Variants in THADA observed in about 807,000 individuals in gnomAD.
The protein encoded by THADA is THADA armadillo repeat containing, also known as tRNA (32-2'-O)-methyltransferase regulator THADA.
A neutral mutation model predicts 219.8 loss-of-function variants in THADA; 213 were observed. The observed-to-expected ratio is 0.97, with a 90% CI of 0.87 to 1.09. The LOEUF is 1.09. THADA is among the 50% of genes least tolerant of loss of function. The pLI is 0.00. For missense variants in THADA, 2,956 were observed against 2,311.3 expected, an observed-to-expected ratio of 1.28 and a Z score of -5.72; for synonymous variants, 1,018 against 828.9, an observed-to-expected ratio of 1.23 and a Z score of -3.92.
chr2:43,265,221 G>C (rs1053938568), intron 36 of THADA, among the ~76,000 whole-genome samples: 3 of 152,218 alleles, frequency 2.0e-5, no homozygotes, highest in African/African-American at 7.2e-5. Flanking sequence ...CTGAAAGGCT[G>C]CTGGGAGCAG....
intron 31 of THADA, among the ~76,000 whole-genome samples, chr2:43,304,237 G>C (rs1471820372): frequency 6.6e-6 from 1 of 152,122 alleles, no homozygotes; most frequent in Non-Finnish European, 1.5e-5. Flanking sequence ...GCAAGGCCCA[G>C]AGTGACAACA....
intron 36 of THADA, among the ~76,000 whole-genome samples, chr2:43,264,954 T>C (rs1279210890): frequency 6.6e-6 from 1 of 152,242 alleles, no homozygotes; most frequent in Non-Finnish European, 1.5e-5. Flanking sequence ...ACTTTCAGCA[T>C]GGATGGAAGG....
At chr2:43,431,910 G>A (rs1353690671) in intron 26 of THADA, among the ~76,000 whole-genome samples, 1 of 90,566 alleles carries the variant, frequency 1.1e-5, no homozygotes, top group African/African-American at 6.1e-5. Flanking sequence ...AGGCTGGAAT[G>A]CAGTGGCGGG....
intron 25 of THADA, among the ~76,000 whole-genome samples, chr2:43,486,270 A>G (rs1219288437): frequency 2.0e-5 from 3 of 152,220 alleles, no homozygotes; most frequent in Non-Finnish European, 4.4e-5. Context: ...ATTACCATGA[A>G]TAAACACAAA....
chr2:43,313,920 T>C (rs1033853062), intron 31 of THADA, among the ~76,000 whole-genome samples: 1 of 152,228 alleles, frequency 6.6e-6, no homozygotes, highest in African/African-American at 2.4e-5. Context: ...ACATGGGATG[T>C]TAGGCACTTC....
At chr2:43,504,532 T>G (rs1471519987) in intron 24 of THADA, among the ~76,000 whole-genome samples, 6 of 152,222 alleles carry the variant, frequency 3.9e-5, no homozygotes, top group Non-Finnish European at 1.5e-5. Context: ...ATTGTAAACT[T>G]CAGCTCTCAA....
At chr2:43,427,337 A>T (rs1573589152) in intron 28 of THADA, among the ~76,000 whole-genome samples, 1 of 152,148 alleles carries the variant, frequency 6.6e-6, no homozygotes, top group Non-Finnish European at 1.5e-5. Flanking sequence ...AGTATCTCCT[A>T]TCAACACCAT....
In THADA at chr2:43,571,505, G is replaced by A. The variant is rs141152202; in HGVS notation, c.2064+202C>T. Among the ~76,000 whole-genome samples the A allele has an allele frequency of 7.2e-5, 11 of 152,164 alleles. No homozygotes were observed. The East Asian group carries it at 1.2e-3, about 16-fold the overall frequency. On this transcript the variant is annotated intron_variant, in intron 13 of 37. Transcript: ENST00000405975. Reference sequence around the variant, plus strand: ...GAAAAAAAATGGTGGGGGGAGGGGTGCGTGCTTTTCACTCTGGATTTTAAT... The same window carrying A: ...GAAAAAAAATGGTGGGGGGAGGGGTACGTGCTTTTCACTCTGGATTTTAAT...
intron 35 of THADA, among the ~76,000 whole-genome samples, chr2:43,282,116 G>A (rs951016319): frequency 6.6e-6 from 1 of 152,146 alleles, no homozygotes; most frequent in African/African-American, 2.4e-5. Context: ...AAGAATTCCA[G>A]GTTATTCCAC....
chr2:43,293,395 C>A (rs1558532559), intron 31 of THADA, among the ~76,000 whole-genome samples, 182 bp from the exon 32 acceptor site: 1 of 152,170 alleles, frequency 6.6e-6, no homozygotes, highest in Non-Finnish European at 1.5e-5. Context: ...ACAACAATTT[C>A]CATTTAGGTA....
intron 26 of THADA, among the ~76,000 whole-genome samples, chr2:43,457,954 T>A (rs1038518074): frequency 6.6e-6 from 1 of 151,878 alleles, no homozygotes; most frequent in Non-Finnish European, 1.5e-5. Context: ...ATAGGGGATA[T>A]CCTTACATAC....
rs572006040 is a variant in THADA at position 43,350,419 on chromosome 2, C to T, written c.4228-6182G>A. ...GGGAAGGCAAGAGAGAGAAAGGTCTCTAACAATACAGTATGTCATTTGCAG... is the reference window on the plus strand; with the variant it reads ...GGGAAGGCAAGAGAGAGAAAGGTCTTTAACAATACAGTATGTCATTTGCAG... On this transcript the variant is annotated intron_variant, in intron 29 of 37. Transcript: ENST00000405975. Among the ~76,000 whole-genome samples, 5 of 152,292 alleles carry T rather than the reference C, an allele frequency of 3.3e-5. No individual in the cohort carries two copies. In the South Asian group the frequency reaches 1.0e-3, roughly 32 times the overall value.
chr2:43,284,293 G>T (rs1673721408), intron 35 of THADA, among the ~76,000 whole-genome samples: 1 of 152,182 alleles, frequency 6.6e-6, no homozygotes, highest in Non-Finnish European at 1.5e-5. Context: ...GGCCTAGGAA[G>T]AAAAAATGGT....
intron 25 of THADA, among the ~76,000 whole-genome samples, chr2:43,490,993 A>T (rs552647273): frequency 6.6e-6 from 1 of 152,310 alleles, no homozygotes; most frequent in South Asian, 2.1e-4. Context: ...AATATAGAGC[A>T]AAATAACTGG....
At chr2:43,459,106 C>G (rs17030835) in intron 26 of THADA, among the ~76,000 whole-genome samples, 16,676 of 152,178 alleles carry the variant, frequency 0.11, 1,032 homozygotes, top group African/African-American at 0.16. Flanking sequence ...CATACTAAAG[C>G]AAATCCTGTT....
chr2:43,375,793 T>G (rs79629200), intron 29 of THADA, among the ~76,000 whole-genome samples: 9,852 of 152,246 alleles, frequency 0.065, 406 homozygotes, highest in Non-Finnish European at 0.098. Flanking sequence ...ATCCCTTTAA[T>G]CTTGTTACAG....
intron 14 of THADA, among the ~76,000 whole-genome samples, chr2:43,567,495 C>A (rs1305698644): frequency 6.6e-6 from 1 of 152,022 alleles, no homozygotes; most frequent in Non-Finnish European, 1.5e-5. Context: ...GGTGTGGTGG[C>A]AGAGGCCTGT....
chr2:43,233,238 G>A (rs375840874), intron 36 of THADA: 5 of 211,436 alleles, frequency 2.4e-5, no homozygotes, highest in Non-Finnish European at 3.9e-5. Flanking sequence ...CATCTGCCTG[G>A]ATTTGACTGG....
At chr2:43,345,392 C>T (rs754706674) in intron 29 of THADA, among the ~76,000 whole-genome samples, 7 of 152,220 alleles carry the variant, frequency 4.6e-5, no homozygotes, top group African/African-American at 1.4e-4. Context: ...ATGCCAAGCA[C>T]CTTCTGTTTA....
Sources: allele counts gnomAD v4.1 joint callset (sites outside exome capture counted in the v4.1 genomes callset), GRCh38; gene constraint gnomAD v4.1.1; transcripts MANE v1.5; gene names NCBI Gene and HGNC (gene_info 2026-07-23, HGNC 2026-07-21).